The following FRMD4B variants were observed in gnomAD, a reference collection of about 807,000 sequenced individuals.
FRMD4B encodes FERM domain-containing protein 4B.
In FRMD4B, 74 loss-of-function variants were observed where a neutral mutation model predicts 141.5. The ratio of observed to expected loss-of-function variants is 0.52; its 90% CI spans 0.43 to 0.63. The LOEUF (loss-of-function observed/expected upper bound fraction) is 0.63. Among genes scored for constraint, FRMD4B ranks in the 30% least tolerant of loss-of-function variants. FRMD4B has a pLI of 0.00. For synonymous variants in FRMD4B, 506 were observed against 467.9 expected (o/e 1.08, Z -1.05); for missense variants, 1,366 against 1,253.4 (o/e 1.09, Z -1.36).
chr3:69,473,952 G>A (rs531413515), intron 1 of FRMD4B, among the ~76,000 whole-genome samples: 89 of 152,062 alleles, frequency 5.9e-4, no homozygotes, highest in South Asian at 4.4e-3. Flanking sequence ...CATCCCAGCC[G>A]TATCCCATCC....
rs28442131 is a variant in FRMD4B at position 69,214,340 on chromosome 3, G to C, written c.876+1923C>G. ...TGTGATGTCAGGTTGTGATAATGCAGGTAGCTGACCATGGTCTGTTATTAG... is the reference window on the plus strand; with the variant it reads ...TGTGATGTCAGGTTGTGATAATGCACGTAGCTGACCATGGTCTGTTATTAG... On this transcript the variant is annotated intron_variant, in intron 11 of 22. Coordinates refer to ENST00000398540, the MANE Select transcript of FRMD4B (RefSeq NM_015123.3). 8.4e-3 allele frequency among the ~76,000 whole-genome samples: 1,277 copies of C among 152,288 alleles called. 17 individuals are homozygous for C. The highest frequency in any genetic ancestry group is 0.029 in the African/African-American group (1,185 of 41,558).
At chr3:69,501,321 G>A (rs948273043) in intron 1 of FRMD4B, among the ~76,000 whole-genome samples, 1 of 151,114 alleles carries the variant, frequency 6.6e-6, no homozygotes, top group Non-Finnish European at 1.5e-5. Flanking sequence ...TGTGGCTCAG[G>A]GAAGTCAAAG....
At chr3:69,463,709 A>G (rs765932915) in intron 1 of FRMD4B, among the ~76,000 whole-genome samples, 4 of 152,176 alleles carry the variant, frequency 2.6e-5, no homozygotes, top group Non-Finnish European at 4.4e-5. Context: ...AAAATACTCT[A>G]CATATAAGTT....
upstream of FRMD4B, among the ~76,000 whole-genome samples, chr3:69,390,479 C>T (rs1248833631): frequency 1.3e-5 from 2 of 152,170 alleles, no homozygotes; most frequent in Non-Finnish European, 1.5e-5. Flanking sequence ...TGGCGTCTAG[C>T]AGGTAGAGGC....
chr3:69,425,028 CCAGA>C (rs1011098338), intron 2 of FRMD4B, among the ~76,000 whole-genome samples: 2 of 152,170 alleles, frequency 1.3e-5, no homozygotes, highest in African/African-American at 4.8e-5. Context: ...TTCTCTGCAG[CCAGA>C]CAGTGACTTA....
intron 11 of FRMD4B, among the ~76,000 whole-genome samples, chr3:69,212,961 G>T (rs1282244249): frequency 6.6e-6 from 1 of 151,696 alleles, no homozygotes; most frequent in Non-Finnish European, 1.5e-5. Flanking sequence ...CTAGGGTAAG[G>T]TATTTGTTTG....
At chr3:69,272,453 C>T (rs1270451395) in intron 5 of FRMD4B, among the ~76,000 whole-genome samples, 1 of 152,212 alleles carries the variant, frequency 6.6e-6, no homozygotes, top group Non-Finnish European at 1.5e-5. Context: ...AGCCACTGCG[C>T]CCAGCCCATT....
At chr3:69,206,520 C>T (rs888488518) in intron 11 of FRMD4B, among the ~76,000 whole-genome samples, 2 of 152,092 alleles carry the variant, frequency 1.3e-5, no homozygotes, top group Admixed American at 6.5e-5. Flanking sequence ...CCTCTGTGGC[C>T]GAATCTCTAA....
chr3:69,393,282 G>T (rs903404827), intron 2 of FRMD4B, among the ~76,000 whole-genome samples: 8 of 143,872 alleles, frequency 5.6e-5, no homozygotes, highest in African/African-American at 2.0e-4. Context: ...AAGTCTCCTT[G>T]CTCAAAGAAA....
At chr3:69,541,141 T>TG (rs76332352) in intron 1 of FRMD4B, 116,188 of 151,936 alleles carry the variant, frequency 0.76, 45,651 homozygotes, top group East Asian at 0.99. Flanking sequence ...AGTAAATTTC[T>TG]GGGGCGACAT....
intron 9 of FRMD4B, among the ~76,000 whole-genome samples, chr3:69,219,102 T>C (rs1388062893): frequency 1.3e-5 from 2 of 149,096 alleles, no homozygotes. Flanking sequence ...GAGGTGGAGG[T>C]TGCAGTGAGC....
intron 11 of FRMD4B, among the ~76,000 whole-genome samples, chr3:69,206,025 T>C (rs2093021503): frequency 6.6e-6 from 1 of 152,190 alleles, no homozygotes; most frequent in Non-Finnish European, 1.5e-5. Context: ...TGGTAGTGAA[T>C]GTTTCAAATA....
chr3:69,191,192 G>A (rs2092832161), intron 17 of FRMD4B, among the ~76,000 whole-genome samples: 1 of 152,176 alleles, frequency 6.6e-6, no homozygotes, highest in African/African-American at 2.4e-5. Context: ...GCCGAGGTTG[G>A]TGTATCACTT....
intron 1 of FRMD4B, among the ~76,000 whole-genome samples, chr3:69,339,862 G>T (rs1051277553): frequency 6.6e-6 from 1 of 152,128 alleles, no homozygotes; most frequent in Admixed American, 6.6e-5. Flanking sequence ...TCCCCTGAGA[G>T]GGGATTCTTG....
chr3:69,415,390 A>G (rs1267306682), intron 2 of FRMD4B, among the ~76,000 whole-genome samples: 1 of 152,046 alleles, frequency 6.6e-6, no homozygotes, highest in Non-Finnish European at 1.5e-5. Flanking sequence ...TTTCAACCAT[A>G]TGCCCCAAGA....
At chr3:69,294,132 A>G (rs911829211) in intron 4 of FRMD4B, among the ~76,000 whole-genome samples, 1 of 152,134 alleles carries the variant, frequency 6.6e-6, no homozygotes, top group Admixed American at 6.5e-5. Flanking sequence ...ATTATTTTGC[A>G]TTCTGAACAA....
At chr3:69,249,102 C>T (rs1324305968) in intron 7 of FRMD4B, 124 bp downstream of exon 7, 1 of 627,356 alleles carries the variant, frequency 1.6e-6, no homozygotes, top group Non-Finnish European at 2.8e-6. Context: ...GCGAAGAGAT[C>T]TCAGTCTCCT....
chr3:69,390,483 T>C (rs1704357175), upstream of FRMD4B, among the ~76,000 whole-genome samples: 1 of 152,126 alleles, frequency 6.6e-6, no homozygotes, highest in Non-Finnish European at 1.5e-5. Flanking sequence ...GTCTAGCAGG[T>C]AGAGGCCAGG....
intron 1 of FRMD4B, among the ~76,000 whole-genome samples, chr3:69,456,270 C>T (rs1705612046): frequency 6.6e-6 from 1 of 152,042 alleles, no homozygotes; most frequent in Non-Finnish European, 1.5e-5. Flanking sequence ...AAACGCCAAC[C>T]GAGGTAGAAG....
Sources: gnomAD v4.1 joint callset for allele counts (sites outside exome capture counted in the v4.1 genomes callset) on GRCh38, gnomAD v4.1.1 for gene constraint, MANE v1.5 for transcripts, NCBI Gene and HGNC (gene_info 2026-07-23, HGNC 2026-07-21) for gene names.